Variants in GRIP1 observed in about 807,000 individuals in gnomAD.
The protein encoded by GRIP1 is glutamate receptor-interacting protein 1.
Under a neutral mutation model 129.9 loss-of-function variants are expected in GRIP1, and 45 were observed. The observed-to-expected ratio is 0.35, with a 90% CI of 0.27 to 0.44. The LOEUF (loss-of-function observed/expected upper bound fraction) is 0.44, where lower values mean the gene tolerates loss of function less well. Among genes scored for constraint, GRIP1 ranks in the 20% least tolerant of loss-of-function variants. The probability of loss-of-function intolerance (pLI) is 1.00; values close to 1 mark genes in which losing one functional copy is unlikely to be tolerated. For synonymous variants in GRIP1, 530 were observed against 520.8 expected (o/e 1.02, Z -0.24); for missense variants, 1,196 against 1,396.8 (o/e 0.86, Z 2.29).
intron 2 of GRIP1, among the ~76,000 whole-genome samples, chr12:66,565,884 A>G (rs531832264): frequency 3.8e-4 from 58 of 152,106 alleles, no homozygotes; most frequent in Non-Finnish European, 7.2e-4. Context: ...TCTCTTTGAA[A>G]CAATTGTGAA....
rs763718206 is a variant in GRIP1 at position 66,420,805 on chromosome 12, T to C, written c.1769-16A>G. On this transcript the variant is annotated splice_polypyrimidine_tract_variant and intron_variant, in intron 14 of 24. Transcript: ENST00000359742. ...CTGGATGGTGCTGTAATAATGGAGA[T>C]AGAATAATCACATCTTTATATCCAT... The C allele has an allele frequency of 1.7e-5, 24 of 1,402,368 alleles. No individual in the cohort carries two copies. Among genetic ancestry groups the C allele is most frequent in the South Asian group, 1.0e-4 (9 of 86,830 alleles). 86.9% of individuals were successfully genotyped at this position (1,402,368 alleles called of 1,614,324 possible).
At chr12:66,723,290 TTC>T (rs1565988003) in intron 1 of GRIP1, among the ~76,000 whole-genome samples, 4,733 of 39,320 alleles carry the variant, frequency 0.12, 636 homozygotes, top group Admixed American at 0.32. Context: ...CTTCCTTTCT[TTC>T]TTTCTTTCTT....
At chr12:67,068,581 C>G (rs142844462) in intron 1 of GRIP1, among the ~76,000 whole-genome samples, 1,612 of 152,148 alleles carry the variant, frequency 0.011, 18 homozygotes, top group Middle Eastern at 0.044. Flanking sequence ...TTGGCAATGC[C>G]GTCGCAGCCC....
intron 1 of GRIP1, among the ~76,000 whole-genome samples, chr12:66,912,392 C>T (rs1335065988): frequency 6.6e-6 from 1 of 151,914 alleles, no homozygotes; most frequent in Admixed American, 6.6e-5. Flanking sequence ...ATACAGAAGC[C>T]TGTTTTCTAA....
chr12:66,511,859 A>G (rs146684611), intron 7 of GRIP1, among the ~76,000 whole-genome samples: 17 of 152,244 alleles, frequency 1.1e-4, no homozygotes, highest in Admixed American at 7.9e-4. Flanking sequence ...TCCTTAGGCT[A>G]GTTGATATAG....
intron 2 of GRIP1, among the ~76,000 whole-genome samples, chr12:66,554,197 G>C (rs1565856412): frequency 6.6e-6 from 1 of 152,198 alleles, no homozygotes; most frequent in Non-Finnish European, 1.5e-5. Flanking sequence ...AGAGGACTTT[G>C]TCTTGCAACT....
At chr12:66,577,437 C>T (rs962528751) in intron 2 of GRIP1, among the ~76,000 whole-genome samples, 3 of 152,158 alleles carry the variant, frequency 2.0e-5, no homozygotes, top group Non-Finnish European at 4.4e-5. Context: ...GTATGTGATG[C>T]ACGCACATAT....
chr12:66,697,494 T>C (rs1592752643), intron 1 of GRIP1, among the ~76,000 whole-genome samples: 2 of 152,318 alleles, frequency 1.3e-5, no homozygotes, highest in East Asian at 3.9e-4. Context: ...CAGAATGGGC[T>C]AGATAACCAT....
At chr12:66,948,007 C>G (rs543748305) in intron 1 of GRIP1, among the ~76,000 whole-genome samples, 2 of 152,294 alleles carry the variant, frequency 1.3e-5, no homozygotes, top group Non-Finnish European at 2.9e-5. Context: ...GCTTATCAGA[C>G]TCCTTTATAA....
At chr12:66,502,025 T>C (rs1297234659) in intron 7 of GRIP1, among the ~76,000 whole-genome samples, 1 of 152,238 alleles carries the variant, frequency 6.6e-6, no homozygotes, top group East Asian at 1.9e-4. Flanking sequence ...ATAATCACTT[T>C]AAATTGGTTA....
intron 1 of GRIP1, among the ~76,000 whole-genome samples, chr12:66,648,160 A>C (rs1381449808): frequency 6.6e-6 from 1 of 151,176 alleles, no homozygotes; most frequent in Non-Finnish European, 1.5e-5. Context: ...ATGATCCAGC[A>C]ACTTAAGGGG....
In GRIP1 at chr12:66,526,974, A is replaced by G. The variant is rs1185191390; in HGVS notation, c.502+2857T>C. On this transcript the variant is annotated intron_variant, in intron 5 of 24. Coordinates refer to ENST00000359742, the MANE Select transcript of GRIP1 (RefSeq NM_001366722.1). ...AGAAATGCAAATCAAAACCAGAAGGAGATACCATCTCATACCAGTTAGAAT... is the reference window on the plus strand; with the variant it reads ...AGAAATGCAAATCAAAACCAGAAGGGGATACCATCTCATACCAGTTAGAAT... Among the ~76,000 whole-genome samples, 3 of 137,470 alleles carry G rather than the reference A, an allele frequency of 2.2e-5. 1 individual carries two copies. Among genetic ancestry groups the G allele is most frequent in the African/African-American group, 5.6e-5 (2 of 35,830 alleles). The allele number at this position is 137,470 out of a possible 152,430, so 90.2% of individuals were successfully genotyped here. A position where few individuals can be genotyped will look rare whatever the true frequency, so the allele number is the denominator to read the frequency against.
At chr12:66,941,780 C>A (rs75135089) in intron 1 of GRIP1, among the ~76,000 whole-genome samples, 1 of 152,150 alleles carries the variant, frequency 6.6e-6, no homozygotes, top group Admixed American at 6.5e-5. Flanking sequence ...CAGCCAGTAA[C>A]GTAATCATGA....
intron 19 of GRIP1, among the ~76,000 whole-genome samples, chr12:66,385,451 ACTT>A (rs1230287661): frequency 6.6e-6 from 1 of 152,016 alleles, no homozygotes; most frequent in Non-Finnish European, 1.5e-5. Flanking sequence ...TAGGAGAGTC[ACTT>A]GAACCTGGGA....
At chr12:66,772,020 T>C (rs574545862) in intron 1 of GRIP1, among the ~76,000 whole-genome samples, 1 of 152,346 alleles carries the variant, frequency 6.6e-6, no homozygotes, top group South Asian at 2.1e-4. Flanking sequence ...CCAAGACTTA[T>C]GGAGAACTTG....
intron 1 of GRIP1, among the ~76,000 whole-genome samples, chr12:66,992,696 T>G (rs2042411058): frequency 1.3e-5 from 2 of 152,200 alleles, no homozygotes; most frequent in East Asian, 3.8e-4. Flanking sequence ...TTTAAAGAAT[T>G]GAAATTATAC....
At chr12:66,781,688 C>T (rs925429494) in intron 1 of GRIP1, among the ~76,000 whole-genome samples, 2 of 152,070 alleles carry the variant, frequency 1.3e-5, no homozygotes, top group African/African-American at 4.8e-5. Flanking sequence ...CAGAGTCTGT[C>T]CAAGGCAAAC....
chr12:66,515,595 CA>C (rs146874960), intron 7 of GRIP1, 23 bp downstream of exon 7: 126,735 of 1,604,650 alleles, frequency 0.079, 5,742 homozygotes, highest in Admixed American at 0.16. Flanking sequence ...GCTTAGAGAT[CA>C]CACCCTCAGG....
At chr12:66,419,622 G>C (rs2057733692) in intron 15 of GRIP1, among the ~76,000 whole-genome samples, 1 of 152,120 alleles carries the variant, frequency 6.6e-6, no homozygotes, top group African/African-American at 2.4e-5. Flanking sequence ...GGTAATAACT[G>C]ACAAGCTGCT....
Sources: gnomAD v4.1 joint callset for allele counts (sites outside exome capture counted in the v4.1 genomes callset) on GRCh38, gnomAD v4.1.1 for gene constraint, MANE v1.5 for transcripts, NCBI Gene and HGNC (gene_info 2026-07-23, HGNC 2026-07-21) for gene names.